The following ASIC2 variants were observed in gnomAD, a reference collection of about 807,000 sequenced individuals.
The protein encoded by ASIC2 is acid sensing ion channel subunit 2, also known as acid-sensing ion channel 2.
Under a neutral mutation model 57.3 loss-of-function variants are expected in ASIC2, and 25 were observed. The ratio of observed to expected loss-of-function variants is 0.44; its 90% CI spans 0.32 to 0.61. ASIC2 has a LOEUF of 0.61. Ranked by LOEUF, ASIC2 falls within the 20% of genes least tolerant of loss-of-function variation. The pLI, the probability that ASIC2 is intolerant of heterozygous loss-of-function variation, is 0.06. For missense variants in ASIC2, 641 were observed against 738.1 expected, an observed-to-expected ratio of 0.87 and a Z score of 1.52; for synonymous variants, 319 against 307.5, an observed-to-expected ratio of 1.04 and a Z score of -0.39.
At chr17:33,363,960 G>A (rs1908710585) in intron 1 of ASIC2, among the ~76,000 whole-genome samples, 1 of 152,200 alleles carries the variant, frequency 6.6e-6, no homozygotes, top group African/African-American at 2.4e-5. Context: ...TTGGTTGCTA[G>A]TCTTCTTTCC....
At chr17:33,166,041 G>A (rs1905296666) in intron 1 of ASIC2, among the ~76,000 whole-genome samples, 1 of 152,138 alleles carries the variant, frequency 6.6e-6, no homozygotes, top group African/African-American at 2.4e-5. Context: ...AATATCCAGA[G>A]ACATTACGCA....
chr17:33,226,317 C>G (rs146009520), intron 1 of ASIC2, among the ~76,000 whole-genome samples: 2 of 152,246 alleles, frequency 1.3e-5, no homozygotes, highest in African/African-American at 4.8e-5. Context: ...TACAGAAGTA[C>G]TATACACTAA....
In ASIC2 at chr17:33,291,763, G is replaced by A. The variant is rs1336420618; in HGVS notation, c.353C>T (p.Thr118Met). The A allele has an allele frequency of 6.2e-7, 1 of 1,613,718 alleles. No homozygotes were observed. Among genetic ancestry groups the A allele is most frequent in the Non-Finnish European group, 8.5e-7 (1 of 1,179,900 alleles). The change falls in exon 1 of 10, where the codon ACG (threonine) becomes ATG (methionine). Residue 118 changes from threonine (T) to methionine (M), a missense_variant. By Grantham distance (81) the Thr-to-Met change is moderately conservative. Around this residue, in one of 3 missense-constraint regions of ASIC2, gnomAD observed 382 missense variants for 398.0 expected, o/e 0.96. Transcript: ENST00000225823. ...GCGGCTCCACTCGCGGTGCACCCGC[G>A]TGTGTGACGGGAAGCTGAGCCAGTA... Reference protein sequence around the residue: ...LLYWLSFPSHTRVHREWSRQL... With the variant: ...LLYWLSFPSHMRVHREWSRQL...
At chr17:33,267,303 TTAAC>T (rs1245965796) in intron 1 of ASIC2, among the ~76,000 whole-genome samples, 2 of 152,218 alleles carry the variant, frequency 1.3e-5, no homozygotes, top group Admixed American at 6.5e-5. Context: ...AAAGTTGTCT[TTAAC>T]TAGTTGTGCA....
At position 33,291,556 on chromosome 17, in the gene ASIC2, T is replaced by C. The variant is rs556056209; in HGVS notation, c.560A>G (p.Lys187Arg). The C allele has an allele frequency of 1.9e-6, 3 of 1,611,974 alleles. No homozygotes were observed. In the Admixed American group the frequency reaches 5.0e-5, roughly 27 times the overall value. The change falls in exon 1 of 10, where the codon AAG becomes AGG. Residue 187 changes from lysine (K) to arginine (R), a missense_variant. By Grantham distance (26) the Lys-to-Arg change is conservative. Around this residue, in one of 3 missense-constraint regions of ASIC2, gnomAD observed 382 missense variants for 398.0 expected, o/e 0.96. Coordinates refer to ENST00000225823, the MANE Select transcript of ASIC2 (RefSeq NM_183377.2). Reference sequence around the variant, plus strand: ...CAGGAAGAGGCGGAAGTCCGCCAGCTTGCGGAACCACTGGCGGCGCGGCTC... The same window carrying C: ...CAGGAAGAGGCGGAAGTCCGCCAGCCTGCGGAACCACTGGCGGCGCGGCTC... The part of the protein sequence containing the change: ...GDEPRRQWFR[K>R]LADFRLFLPP...
At chr17:33,337,082 C>T (rs912384946) in intron 1 of ASIC2, among the ~76,000 whole-genome samples, 2 of 151,868 alleles carry the variant, frequency 1.3e-5, no homozygotes, top group African/African-American at 4.8e-5. Flanking sequence ...TCCTGGGGGT[C>T]CTGCCCCCTC....
At chr17:34,094,756 G>A (rs1283906864) in intron 1 of ASIC2, among the ~76,000 whole-genome samples, 1 of 152,144 alleles carries the variant, frequency 6.6e-6, no homozygotes. Flanking sequence ...AGGAAATTAT[G>A]GTGTCAATGA....
chr17:33,232,032 C>A (rs765443155), intron 1 of ASIC2, among the ~76,000 whole-genome samples: 1 of 152,114 alleles, frequency 6.6e-6, no homozygotes, highest in African/African-American at 2.4e-5. Context: ...AAATTTGGAA[C>A]CTTGGGATGA....
intron 1 of ASIC2, among the ~76,000 whole-genome samples, chr17:33,945,262 G>A (rs144545656): frequency 6.6e-6 from 1 of 151,958 alleles, no homozygotes; most frequent in East Asian, 1.9e-4. Flanking sequence ...AGTGACATGG[G>A]TAACACATTC....
intron 1 of ASIC2, among the ~76,000 whole-genome samples, chr17:33,330,552 C>A (rs1216628094): frequency 6.6e-6 from 1 of 152,170 alleles, no homozygotes; most frequent in Non-Finnish European, 1.5e-5. Context: ...CCCATGCAAT[C>A]ACATTATTGG....
chr17:33,715,864 G>A (rs929749538), intron 1 of ASIC2, among the ~76,000 whole-genome samples: 3 of 152,126 alleles, frequency 2.0e-5, no homozygotes, highest in Non-Finnish European at 4.4e-5. Flanking sequence ...TTGTAGAGAC[G>A]TCATGTAGAT....
At chr17:33,018,166 C>T (rs1011482188) in intron 7 of ASIC2, among the ~76,000 whole-genome samples, 1 of 152,206 alleles carries the variant, frequency 6.6e-6, no homozygotes, top group South Asian at 2.1e-4. Flanking sequence ...CCATAGGTGT[C>T]TCCTCTCTCC....
At chr17:33,807,918 T>C (rs1352272393) in intron 1 of ASIC2, among the ~76,000 whole-genome samples, 1 of 152,266 alleles carries the variant, frequency 6.6e-6, no homozygotes, top group African/African-American at 2.4e-5. Context: ...GAGTTATTTG[T>C]ATATTTTGGA....
chr17:34,034,306 C>A (rs1411131604), intron 1 of ASIC2, among the ~76,000 whole-genome samples: 1 of 152,164 alleles, frequency 6.6e-6, no homozygotes, highest in Non-Finnish European at 1.5e-5. Context: ...TGACAAAATT[C>A]AACAACCCTT....
intron 1 of ASIC2, among the ~76,000 whole-genome samples, chr17:34,108,788 G>A (rs569204687): frequency 8.6e-5 from 13 of 151,736 alleles, no homozygotes; most frequent in African/African-American, 2.9e-4. Flanking sequence ...TTTTTTCTTC[G>A]TTATATTTTG....
At chr17:34,027,968 G>A (rs1907441066) in intron 1 of ASIC2, among the ~76,000 whole-genome samples, 1 of 152,158 alleles carries the variant, frequency 6.6e-6, no homozygotes, top group South Asian at 2.1e-4. Flanking sequence ...ATATCCACAA[G>A]ACCATTCAAT....
intron 1 of ASIC2, among the ~76,000 whole-genome samples, chr17:33,311,945 A>G (rs1449700342): frequency 6.6e-6 from 1 of 152,192 alleles, no homozygotes; most frequent in East Asian, 1.9e-4. Flanking sequence ...TGTTGCTGCC[A>G]TATTGAAATA....
At chr17:33,998,130 TC>T (rs35240045) in intron 1 of ASIC2, among the ~76,000 whole-genome samples, 3 of 152,142 alleles carry the variant, frequency 2.0e-5, no homozygotes, top group African/African-American at 2.4e-5. Flanking sequence ...GATGGTATGT[TC>T]CCTAGAAGGT....
intron 5 of ASIC2, 92 bp from the exon 6 acceptor site, chr17:33,024,106 A>G: frequency 6.6e-7 from 1 of 1,526,666 alleles, no homozygotes; most frequent in Non-Finnish European, 9.0e-7. Context: ...CTGAGAAATG[A>G]GCTGGGAAGG....
Sources: allele counts gnomAD v4.1 joint callset (sites outside exome capture counted in the v4.1 genomes callset), GRCh38; gene constraint gnomAD v4.1.1; regional missense constraint gnomAD v4.1.1; transcripts MANE v1.5; gene names NCBI Gene and HGNC (gene_info 2026-07-23, HGNC 2026-07-21).